The following AOPEP variants were observed in gnomAD, a reference collection of about 807,000 sequenced individuals.
AOPEP encodes aminopeptidase O.
A neutral mutation model predicts 98.1 loss-of-function variants in AOPEP; 77 were observed. That is an observed-to-expected ratio of 0.78 (90% CI 0.65 to 0.95). The LOEUF (loss-of-function observed/expected upper bound fraction) is 0.95. Among genes scored for constraint, AOPEP ranks in the 40% least tolerant of loss-of-function variants. The pLI is 0.00. For synonymous variants in AOPEP, 346 were observed against 365.3 expected (o/e 0.95, Z 0.60); for missense variants, 1,024 against 1,024.7 (o/e 1.00, Z 0.01).
rs540249737 is a variant in AOPEP at position 94,751,637 on chromosome 9, C to A, written c.-135-8012C>A. Among the ~76,000 whole-genome samples the A allele has an allele frequency of 2.3e-4, 35 of 152,080 alleles. No homozygotes were observed. In the East Asian group the frequency reaches 6.4e-3, roughly 28 times the overall value. On this transcript the variant is annotated intron_variant, in intron 1 of 16. Coordinates refer to ENST00000375315, the MANE Select transcript of AOPEP (RefSeq NM_001193329.3). The stretch of plus-strand genomic sequence containing the variant: ...TTCTTTTCTTTGCACATATTGTTAA[C>A]CTCTCAATCTTTAATCATCTCTCTG...
chr9:94,875,402 CA>C (rs2046836123), intron 5 of AOPEP, among the ~76,000 whole-genome samples: 1 of 130,564 alleles, frequency 7.7e-6, no homozygotes, highest in African/African-American at 2.9e-5. Flanking sequence ...CTCCCAGAGT[CA>C]AAATGGATTC....
the AOPEP span, among the ~76,000 whole-genome samples, chr9:95,140,245 A>C: frequency 2.6e-5 from 4 of 152,086 alleles, no homozygotes; most frequent in African/African-American, 9.7e-5. Context: ...TTACAGTGAC[A>C]GCGTCTGCCA....
At chr9:94,974,156 T>C (rs936796255) in intron 10 of AOPEP, among the ~76,000 whole-genome samples, 6 of 152,258 alleles carry the variant, frequency 3.9e-5, no homozygotes, top group African/African-American at 1.2e-4. Context: ...CATTGTCCTA[T>C]GGTGTCCCAT....
At chr9:95,126,433 T>A in the AOPEP span, 1 of 1,209,644 alleles carries the variant, frequency 8.3e-7, no homozygotes, top group East Asian at 2.5e-5. Flanking sequence ...AATTTCCCCA[T>A]GATACAGCCA....
At chr9:95,117,345 G>A in the AOPEP span, 1 of 1,614,130 alleles carries the variant, frequency 6.2e-7, no homozygotes, top group South Asian at 1.1e-5. Context: ...ACCATGGCAA[G>A]AGATGGAGAA....
intron 5 of AOPEP, among the ~76,000 whole-genome samples, chr9:94,847,152 A>ACTCT (rs1554739476): frequency 7.1e-6 from 1 of 140,476 alleles, no homozygotes; most frequent in African/African-American, 2.6e-5. Context: ...ACACACACAC[A>ACTCT]CTCTCTCTGT....
At chr9:95,022,390 T>C (rs2063519167) in intron 13 of AOPEP, 1 of 152,204 alleles carries the variant, frequency 6.6e-6, no homozygotes, top group Admixed American at 6.5e-5. Flanking sequence ...CAGGCTGGAG[T>C]GCAATGGTGC....
downstream of AOPEP, among the ~76,000 whole-genome samples, chr9:95,090,145 G>A (rs2070846400): frequency 1.3e-5 from 2 of 152,230 alleles, no homozygotes; most frequent in Non-Finnish European, 2.9e-5. Context: ...CGCCACCCTG[G>A]CCCCTGTGGC....
chr9:95,009,623 C>T (rs1055765692), intron 13 of AOPEP, among the ~76,000 whole-genome samples: 4 of 152,106 alleles, frequency 2.6e-5, no homozygotes, highest in South Asian at 2.1e-4. Context: ...CGTTTCCAAG[C>T]GAGTGGTCTT....
the AOPEP span, chr9:95,100,142 C>A: frequency 4.3e-6 from 1 of 232,808 alleles, no homozygotes. Flanking sequence ...TTTTTCAACC[C>A]CAACACCTCT....
Position 94,766,055 on chromosome 9 carries a change from G to C in AOPEP, c.797+5475G>C, listed in dbSNP as rs1839529638. 2.6e-5 allele frequency among the ~76,000 whole-genome samples: 4 copies of C among 152,310 alleles called. No homozygotes were observed. The South Asian group carries it at 6.2e-4, about 24-fold the overall frequency. ...GATGAGAACAAAGACAGGGTCAAGA[G>C]TTGTGTAAAGGTGTTCTTGCCAAGC... On this transcript the variant is annotated intron_variant, in intron 2 of 16. Coordinates refer to ENST00000375315, the MANE Select transcript of AOPEP (RefSeq NM_001193329.3).
At chr9:94,774,969 A>T (rs890430428) in intron 3 of AOPEP, among the ~76,000 whole-genome samples, 2 of 151,950 alleles carry the variant, frequency 1.3e-5, no homozygotes, top group Non-Finnish European at 2.9e-5. Flanking sequence ...TCCTTTGCCC[A>T]TTTTTTATAC....
chr9:94,803,709 T>A (rs369180030), intron 5 of AOPEP, among the ~76,000 whole-genome samples: 1 of 152,238 alleles, frequency 6.6e-6, no homozygotes, highest in Non-Finnish European at 1.5e-5. Flanking sequence ...ATGATTTTTG[T>A]CACCTTTTAA....
the AOPEP span, among the ~76,000 whole-genome samples, chr9:95,141,548 T>C: frequency 2.0e-5 from 3 of 152,208 alleles, no homozygotes; most frequent in African/African-American, 7.2e-5. Context: ...AACATCTTGA[T>C]TGTAGGTCGG....
chr9:94,772,396 C>T (rs973031300), intron 2 of AOPEP, among the ~76,000 whole-genome samples: 1 of 152,192 alleles, frequency 6.6e-6, no homozygotes, highest in Non-Finnish European at 1.5e-5. Context: ...TTGGTAACGA[C>T]TCTGCGCCCT....
chr9:94,937,558 A>C (rs1588984976), intron 7 of AOPEP, among the ~76,000 whole-genome samples: 2 of 152,222 alleles, frequency 1.3e-5, no homozygotes, highest in Non-Finnish European at 2.9e-5. Context: ...GGGGGAACCC[A>C]GTTCAGTCAT....
chr9:95,045,454 A>G (rs1020829121), intron 13 of AOPEP, among the ~76,000 whole-genome samples: 5 of 152,246 alleles, frequency 3.3e-5, no homozygotes, highest in African/African-American at 9.6e-5. Flanking sequence ...GTGTGCTCCC[A>G]GCTTTGGAGC....
the AOPEP span, among the ~76,000 whole-genome samples, chr9:95,122,513 G>A: frequency 2.6e-5 from 4 of 152,168 alleles, no homozygotes; most frequent in South Asian, 6.2e-4. Context: ...AGCTGAAGGC[G>A]AGGGTGGTGA....
intron 5 of AOPEP, among the ~76,000 whole-genome samples, chr9:94,801,602 A>G (rs1426097220): frequency 6.6e-6 from 1 of 152,204 alleles, no homozygotes; most frequent in Non-Finnish European, 1.5e-5. Context: ...TTTTTAACAA[A>G]TGCACTTTTG....
Sources: allele counts gnomAD v4.1 joint callset (sites outside exome capture counted in the v4.1 genomes callset), GRCh38; gene constraint gnomAD v4.1.1; transcripts MANE v1.5; gene names NCBI Gene and HGNC (gene_info 2026-07-23, HGNC 2026-07-21).